Variants in SLC35D4 observed in about 807,000 individuals in gnomAD.
SLC35D4 encodes solute carrier family 35 member D4.
the SLC35D4 span, among the ~76,000 whole-genome samples, chr18:23,414,964 T>C: frequency 6.6e-6 from 1 of 152,038 alleles, no homozygotes; most frequent in Non-Finnish European, 1.5e-5. Context: ...GTTTTAAAAA[T>C]TAGCCAGCAT....
chr18:23,411,542 A>AAAGAAAGAAAGG, the SLC35D4 span, among the ~76,000 whole-genome samples: 1 of 149,250 alleles, frequency 6.7e-6, no homozygotes, highest in East Asian at 2.0e-4. Context: ...AGAAAGAAAG[A>AAAGAAAGAAAGG]AAGAAAGAAA....
chr18:23,353,707 T>C, the SLC35D4 span, among the ~76,000 whole-genome samples: 1 of 152,132 alleles, frequency 6.6e-6, no homozygotes, highest in Admixed American at 6.6e-5. Context: ...GTCAAGTTAC[T>C]CACACCCAAA....
chr18:23,274,799 A>C, the SLC35D4 span, among the ~76,000 whole-genome samples: 1 of 152,200 alleles, frequency 6.6e-6, no homozygotes, highest in African/African-American at 2.4e-5. Context: ...TCCAGTGCTC[A>C]GCCTCCCCCA....
At chr18:23,349,380 C>A in the SLC35D4 span, among the ~76,000 whole-genome samples, 2 of 152,244 alleles carry the variant, frequency 1.3e-5, no homozygotes, top group Admixed American at 1.3e-4. Context: ...CGCCTGTAAC[C>A]CCAGCACTTT....
chr18:23,257,401 T>A, the SLC35D4 span: 1 of 1,555,500 alleles, frequency 6.4e-7, no homozygotes, highest in Non-Finnish European at 8.6e-7. Flanking sequence ...GGCCATTTCT[T>A]CTCAGCTTGG....
the SLC35D4 span, among the ~76,000 whole-genome samples, chr18:23,318,112 CTTTT>C: frequency 1.3e-5 from 2 of 152,130 alleles, no homozygotes; most frequent in South Asian, 4.1e-4. Context: ...GGTTATCTTT[CTTTT>C]TAATTCTAGC....
the SLC35D4 span, among the ~76,000 whole-genome samples, chr18:23,346,529 T>C: frequency 2.6e-4 from 39 of 152,068 alleles, no homozygotes; most frequent in African/African-American, 8.2e-4. Context: ...TTTTTTTTTT[T>C]CCTATTGCAC....
the SLC35D4 span, among the ~76,000 whole-genome samples, chr18:23,284,137 C>T: frequency 1.3e-5 from 2 of 152,150 alleles, no homozygotes; most frequent in African/African-American, 4.8e-5. Flanking sequence ...CTTTCATTGC[C>T]ACCTTGGTTT....
At chr18:23,330,573 C>A in the SLC35D4 span, among the ~76,000 whole-genome samples, 2 of 152,180 alleles carry the variant, frequency 1.3e-5, no homozygotes, top group African/African-American at 4.8e-5. Context: ...CATTTCCACA[C>A]CCCAGCCCAT....
the SLC35D4 span, among the ~76,000 whole-genome samples, chr18:23,247,782 G>C: frequency 1.3e-5 from 2 of 152,202 alleles, no homozygotes; most frequent in African/African-American, 4.8e-5. Context: ...CAGCAGACAG[G>C]AGGCCAGGAC....
the SLC35D4 span, among the ~76,000 whole-genome samples, chr18:23,282,604 T>C: frequency 6.6e-5 from 10 of 152,104 alleles, no homozygotes; most frequent in South Asian, 2.1e-4. Context: ...ACCAGTACCC[T>C]GGGGCCCCCA....
At chr18:23,268,625 G>A in the SLC35D4 span, among the ~76,000 whole-genome samples, 1 of 152,094 alleles carries the variant, frequency 6.6e-6, no homozygotes, top group South Asian at 2.1e-4. Flanking sequence ...TCCTAGCAGG[G>A]CTTCTGGAAT....
the SLC35D4 span, among the ~76,000 whole-genome samples, chr18:23,269,933 G>A: frequency 6.6e-6 from 1 of 152,304 alleles, no homozygotes; most frequent in East Asian, 1.9e-4. Context: ...GCAGCCTGAC[G>A]ATGTGATAGA....
the SLC35D4 span, among the ~76,000 whole-genome samples, chr18:23,425,922 C>T: frequency 3.4e-5 from 5 of 147,528 alleles, no homozygotes; most frequent in African/African-American, 7.5e-5. Context: ...AAACTGACAA[C>T]AATTAAAGCT....
the SLC35D4 span, chr18:23,257,411 G>T: frequency 2.6e-6 from 4 of 1,542,710 alleles, no homozygotes; most frequent in Non-Finnish European, 3.5e-6. Flanking sequence ...TCTCAGCTTG[G>T]TGGAGCAGCA....
chr18:23,252,454 G>A, the SLC35D4 span, among the ~76,000 whole-genome samples: 3 of 152,232 alleles, frequency 2.0e-5, no homozygotes, highest in African/African-American at 7.2e-5. Flanking sequence ...GCCAGGCACT[G>A]TACAGGGCAC....
chr18:23,241,080 A>C, the SLC35D4 span, among the ~76,000 whole-genome samples: 2 of 152,110 alleles, frequency 1.3e-5, no homozygotes, highest in African/African-American at 4.8e-5. Context: ...TACTATTCTC[A>C]CTTCTGTCAC....
chr18:23,436,569 G>C, the SLC35D4 span, among the ~76,000 whole-genome samples: 4 of 151,974 alleles, frequency 2.6e-5, no homozygotes, highest in East Asian at 1.9e-4. Context: ...GAGGCATGCG[G>C]ATCACCTGAG....
the SLC35D4 span, chr18:23,297,446 A>T: frequency 6.6e-6 from 1 of 152,052 alleles, no homozygotes; most frequent in African/African-American, 2.4e-5. Context: ...TGATCCTAGG[A>T]GGTCAAGGCT....
Sources: gnomAD v4.1 joint callset for allele counts (sites outside exome capture counted in the v4.1 genomes callset) on GRCh38, gnomAD v4.1.1 for gene constraint, MANE v1.5 for transcripts, NCBI Gene and HGNC (gene_info 2026-07-23, HGNC 2026-07-21) for gene names.